DDX21: variants seen among roughly 807,000 people sequenced by gnomAD.
DDX21 encodes nucleolar RNA helicase 2.
Under a neutral mutation model 90.0 loss-of-function variants are expected in DDX21, and 18 were observed. The ratio of observed to expected loss-of-function variants is 0.20; its 90% CI spans 0.14 to 0.30. The LOEUF (loss-of-function observed/expected upper bound fraction) is 0.30. DDX21 is among the 10% of genes least tolerant of loss of function. DDX21 has a pLI of 1.00. For missense variants in DDX21, 673 were observed against 944.5 expected, an observed-to-expected ratio of 0.71 and a Z score of 3.77; for synonymous variants, 294 against 318.0, an observed-to-expected ratio of 0.92 and a Z score of 0.80.
chr10:68,978,745 A>T (rs1589289350), intron 12 of DDX21, 97 bp from the exon 13 acceptor site: 1 of 1,476,164 alleles, frequency 6.8e-7, no homozygotes, highest in East Asian at 2.3e-5. Flanking sequence ...TTTAGGAATA[A>T]CTTTTCAAGA....
chr10:68,979,080 C>G (rs957486419), intron 13 of DDX21, 104 bp downstream of exon 13: 3 of 1,474,652 alleles, frequency 2.0e-6, no homozygotes, highest in Non-Finnish European at 2.8e-6. Context: ...CATCTCTTCA[C>G]TCTCTCATCT....
At position 68,977,673 on chromosome 10, in the gene DDX21, G is replaced by C. The variant is rs545863198; in HGVS notation, c.1887G>C (p.Leu629Phe). 8 of 1,612,084 alleles carry C rather than the reference G, an allele frequency of 5.0e-6. No homozygotes were observed. In the East Asian group the frequency reaches 1.8e-4, roughly 36 times the overall value. The change falls in exon 12 of 15, where the codon TTG becomes TTC. Residue 629 changes from leucine (L) to phenylalanine (F), a missense_variant. By Grantham distance (22) the Leu-to-Phe change is conservative. Coordinates refer to ENST00000354185, the MANE Select transcript of DDX21 (RefSeq NM_004728.4). ...SGATSVDQRS[L>F]INSNVGFVTM... ...CCACGTCCGTAGACCAGCGCTCCTT[G>C]ATCAACTCAAATGTGGTAAGGTTCT...
Position 68,982,993 on chromosome 10 carries a change from A to G in DDX21, c.*181A>G. On this transcript the variant is annotated 3_prime_UTR_variant, in exon 15 of 15. Transcript: ENST00000354185. ...TTATTTCATCTGATCATTATCATTTATAACTTTATTGTTACTTCTTCATCA... is the reference window on the plus strand; with the variant it reads ...TTATTTCATCTGATCATTATCATTTGTAACTTTATTGTTACTTCTTCATCA... 1 of 772,538 alleles carries G rather than the reference A, an allele frequency of 1.3e-6. No individual in the cohort carries two copies. The highest frequency in any genetic ancestry group is 2.0e-6 in the Non-Finnish European group (1 of 509,284). The allele number at this position is 772,538 out of a possible 1,614,324, so 47.9% of individuals were successfully genotyped here.
chr10:68,977,952 TA>T lies in DDX21; in HGVS notation c.1902+278del, dbSNP rs112705054. Among the ~76,000 whole-genome samples, 871 of 137,800 alleles carry T rather than the reference TA, an allele frequency of 6.3e-3. 5 individuals are homozygous for T. The highest frequency in any genetic ancestry group is 0.017 in the African/African-American group (653 of 37,528). The allele number at this position is 137,800 out of a possible 152,430, so 90.4% of individuals were successfully genotyped here. Reference sequence around the variant, plus strand: ...GTGATACTCTGTCTCTACAAAAAAATAAAAAAAAAAAAAATTAGCTGGGCGT... The same window carrying T: ...GTGATACTCTGTCTCTACAAAAAAATAAAAAAAAAAAAATTAGCTGGGCGT... On this transcript the variant is annotated intron_variant, in intron 12 of 14. Coordinates refer to ENST00000354185, the MANE Select transcript of DDX21 (RefSeq NM_004728.4).
rs1244737781 is a variant in DDX21, at chr10:68,982,849, A to G, written c.*37A>G. On this transcript the variant is annotated 3_prime_UTR_variant, in exon 15 of 15. Transcript: ENST00000354185. ...AGATTTATATAGCAAAAAGAGAATG[A>G]TGTTTGGCAATATAGAACTGAACAT... is the stretch of plus-strand genomic sequence containing the variant. The G allele has an allele frequency of 6.2e-6, 10 of 1,607,440 alleles. No individual in the cohort carries two copies. Among genetic ancestry groups the G allele is most frequent in the Non-Finnish European group, 8.5e-6 (10 of 1,176,158 alleles).
chr10:68,982,415 C>G, intron 14 of DDX21, 128 bp from the exon 15 acceptor site: 1 of 1,309,896 alleles, frequency 7.6e-7, no homozygotes, highest in Non-Finnish European at 1.0e-6. Context: ...TATTTTTGAC[C>G]AGTGACTTGT....
chr10:68,974,022 A>G (rs1843061151), intron 10 of DDX21, among the ~76,000 whole-genome samples: 3 of 152,220 alleles, frequency 2.0e-5, no homozygotes, highest in Admixed American at 2.0e-4. Context: ...GGAGAATTGG[A>G]ATAGTGTATG....
chr10:68,966,964 A>G lies in DDX21; in HGVS notation c.905-54A>G, dbSNP rs924804956. The G allele has an allele frequency of 1.2e-5, 18 of 1,518,566 alleles. No homozygotes were observed. In the African/African-American group the frequency reaches 2.2e-4, roughly 19 times the overall value. 94.1% of individuals were successfully genotyped at this position (1,518,566 alleles called of 1,614,324 possible). ...AATACAGTTAACTGTGGTACCCCACACAGATAAAAGTACTTACTAAAAACC... is the reference window on the plus strand; with the variant it reads ...AATACAGTTAACTGTGGTACCCCACGCAGATAAAAGTACTTACTAAAAACC... On this transcript the variant is annotated intron_variant, in intron 5 of 14. Coordinates refer to ENST00000354185, the MANE Select transcript of DDX21 (RefSeq NM_004728.4).
chr10:68,981,387 C>T, intron 13 of DDX21, 150 bp from the exon 14 acceptor site: 2 of 704,364 alleles, frequency 2.8e-6, no homozygotes, highest in Non-Finnish European at 4.9e-6. Flanking sequence ...AATGTATTAG[C>T]TTTGGTCTAA....
At chr10:68,981,500 G>T (rs373689109) in intron 13 of DDX21, 37 bp from the exon 14 acceptor site, 40 of 1,592,098 alleles carry the variant, frequency 2.5e-5, no homozygotes, top group Middle Eastern at 3.3e-4. Context: ...TTTCATGTGC[G>T]TTGGTTGGAT....
Position 68,960,123 on chromosome 10 carries a change from A to C in DDX21, c.405A>C (p.Lys135Asn). The C allele has an allele frequency of 6.2e-7, 1 of 1,614,148 alleles. No individual in the cohort carries two copies. Among genetic ancestry groups the C allele is most frequent in the Non-Finnish European group, 8.5e-7 (1 of 1,180,008 alleles). The change falls in exon 2 of 15, where the codon AAA becomes AAC. Residue 135 changes from lysine (K) to asparagine (N), a missense_variant. Lys to Asn is a moderately conservative substitution (Grantham distance 94). Around this residue, in one of 4 missense-constraint regions of DDX21, gnomAD observed 204 missense variants for 221.6 expected, o/e 0.92. Transcript: ENST00000354185. ...CTCCTAAGCCCAAGAAGATGAAGAA[A>C]GAAAAGGAAATGAATGGAGAAACTA... ...IDAPKPKKMKKEKEMNGETRE... is the reference protein window; with the variant it reads ...IDAPKPKKMKNEKEMNGETRE...
rs985795158 is a variant in DDX21 at position 68,984,602 on chromosome 10, A to G, written c.*1790A>G. 6.6e-6 allele frequency: 1 copy of G among 152,226 alleles called. No individual in the cohort carries two copies. Among genetic ancestry groups the G allele is most frequent in the Non-Finnish European group, 1.5e-5 (1 of 68,046 alleles). 9.4% of individuals were successfully genotyped at this position (152,226 alleles called of 1,614,324 possible). A position where few individuals can be genotyped will look rare whatever the true frequency, so the allele number is the denominator to read the frequency against. Reference sequence around the variant, plus strand: ...GCTTTAATAATAACTGAACCATTTCATTATTTGGATAGGCATGGGTACCTT... The same window carrying G: ...GCTTTAATAATAACTGAACCATTTCGTTATTTGGATAGGCATGGGTACCTT... On this transcript the variant is annotated 3_prime_UTR_variant, in exon 15 of 15. Coordinates refer to ENST00000354185, the MANE Select transcript of DDX21 (RefSeq NM_004728.4).
chr10:68,972,011 A>G lies in DDX21; in HGVS notation c.1507A>G (p.Ile503Val). Residue 503 changes from isoleucine to valine, a missense_variant, in exon 9 of 15, where the codon ATC becomes GTC. By Grantham distance (29) the Ile-to-Val change is conservative. This residue lies in a region of DDX21 where 26 missense variants were observed against 76.9 expected (regional missense o/e 0.34). Coordinates refer to ENST00000354185, the MANE Select transcript of DDX21 (RefSeq NM_004728.4). ...CAATGTTGCTGCACGTGGGTTAGAC[A>G]TCCCTGAGGTTGATTTGGTTATACA... ...ATNVAARGLD[I>V]PEVDLVIQSS... The G allele has an allele frequency of 5.0e-6, 8 of 1,614,182 alleles. No homozygotes were observed. The highest frequency in any genetic ancestry group is 6.8e-6 in the Non-Finnish European group (8 of 1,180,026).
intron 6 of DDX21, among the ~76,000 whole-genome samples, 163 bp from the exon 7 acceptor site, chr10:68,968,813 T>G (rs1452082133): frequency 1.3e-5 from 2 of 152,210 alleles, no homozygotes; most frequent in South Asian, 2.1e-4. Flanking sequence ...TCTTTGCCCA[T>G]TGGGAAACCT....
Position 68,973,626 on chromosome 10 carries a change from A to G in DDX21, c.1630A>G (p.Lys544Glu). 1.2e-6 allele frequency: 2 copies of G among 1,614,180 alleles called. No homozygotes were observed. Among genetic ancestry groups the G allele is most frequent in the South Asian group, 1.1e-5 (1 of 91,082 alleles). The change falls in exon 10 of 15, where the codon AAG (lysine) becomes GAG (glutamate). Residue 544 changes from lysine to glutamate, a missense_variant. By Grantham distance (56) the Lys-to-Glu change is moderately conservative (BLOSUM62 1). Around this residue, in one of 4 missense-constraint regions of DDX21, gnomAD observed 225 missense variants for 298.8 expected, o/e 0.75. Transcript: ENST00000354185. ...TGVCICFYQH[K>E]EEYQLVQVEQ... is the part of the protein sequence containing the mutation. The stretch of plus-strand genomic sequence containing the variant: ...GGTGTGCATCTGCTTTTATCAGCAC[A>G]AGGAAGAATATCAGTTAGTACAAGT...
At chr10:68,961,254 A>G (rs946584326) in intron 2 of DDX21, among the ~76,000 whole-genome samples, 8 of 152,220 alleles carry the variant, frequency 5.3e-5, no homozygotes, top group Non-Finnish European at 1.2e-4. Context: ...TAATTCTAAT[A>G]GATTTTCTTT....
chr10:68,956,340 G>A (rs777290418), intron 1 of DDX21, 28 bp downstream of exon 1: 1 of 1,613,602 alleles, frequency 6.2e-7, no homozygotes, highest in Non-Finnish European at 8.5e-7. Flanking sequence ...GGGGCCAGGA[G>A]GGACGCTGAA....
At chr10:68,958,272 C>T (rs538282299) in intron 1 of DDX21, among the ~76,000 whole-genome samples, 3 of 151,880 alleles carry the variant, frequency 2.0e-5, no homozygotes, top group African/African-American at 4.8e-5. Context: ...CTGCATCCTG[C>T]CCTTTTATTT....
At chr10:68,974,422 T>A (rs1843067022) in intron 10 of DDX21, among the ~76,000 whole-genome samples, 1 of 152,226 alleles carries the variant, frequency 6.6e-6, no homozygotes, top group Admixed American at 6.5e-5. Flanking sequence ...TGGGGTTTGA[T>A]TAATAGTTTA....
Sources: allele counts gnomAD v4.1 joint callset (sites outside exome capture counted in the v4.1 genomes callset), GRCh38; gene constraint gnomAD v4.1.1; regional missense constraint gnomAD v4.1.1; transcripts MANE v1.5; gene names NCBI Gene and HGNC (gene_info 2026-07-23, HGNC 2026-07-21).